AGAP1: variants seen among roughly 807,000 people sequenced by gnomAD.
AGAP1 encodes the protein arf-GAP with GTPase, ANK repeat and PH domain-containing protein 1.
Under a neutral mutation model 105.3 loss-of-function variants are expected in AGAP1, and 29 were observed. The observed-to-expected ratio is 0.28, with a 90% confidence interval of 0.21 to 0.38. AGAP1 has a LOEUF of 0.38. Among genes scored for constraint, AGAP1 ranks in the 10% least tolerant of loss-of-function variants. AGAP1 has a pLI of 1.00. For missense variants in AGAP1, 998 were observed against 1,165.1 expected (o/e 0.86, Z 2.09); for synonymous variants, 509 against 485.9 (o/e 1.05, Z -0.63).
At chr2:235,868,696 T>C (rs1317716785) in intron 9 of AGAP1, among the ~76,000 whole-genome samples, 2 of 152,222 alleles carry the variant, frequency 1.3e-5, no homozygotes, top group Non-Finnish European at 2.9e-5. Context: ...AGTTTTAATA[T>C]AAATTTATGA....
At chr2:235,817,201 T>A (rs1179701775) in intron 9 of AGAP1, among the ~76,000 whole-genome samples, 4 of 152,152 alleles carry the variant, frequency 2.6e-5, no homozygotes, top group African/African-American at 9.6e-5. Context: ...AGACACATTT[T>A]CCCAGAAATG....
intron 1 of AGAP1, among the ~76,000 whole-genome samples, chr2:235,651,331 G>A (rs1195930981): frequency 1.3e-5 from 2 of 151,676 alleles, no homozygotes; most frequent in Non-Finnish European, 2.9e-5. Flanking sequence ...AAAACGATCT[G>A]CCAGATATCT....
At position 235,494,146 on chromosome 2, in the gene AGAP1, C is replaced by A. The variant is rs1338567609; in HGVS notation, c.-541C>A. 1 of 143,968 alleles carries A rather than the reference C, an allele frequency of 6.9e-6. No individual in the cohort carries two copies. 8.9% of individuals were successfully genotyped at this position (143,968 alleles called of 1,614,324 possible). ...CGCCTGCGACTCGGTCCCAGGTCGG[C>A]GGGCGGCGCACGGCGGGCTCGCGCG... On this transcript the variant is annotated 5_prime_UTR_variant, in exon 1 of 18. Coordinates refer to ENST00000304032, the MANE Select transcript of AGAP1 (RefSeq NM_001037131.3).
intron 10 of AGAP1, among the ~76,000 whole-genome samples, chr2:235,898,541 C>T (rs1232201974): frequency 2.3e-5 from 3 of 132,848 alleles, no homozygotes; most frequent in African/African-American, 8.5e-5. Flanking sequence ...ACCCTAATGA[C>T]TTATCATGTC....
At chr2:235,546,697 G>C (rs1943633185) in intron 1 of AGAP1, among the ~76,000 whole-genome samples, 1 of 152,182 alleles carries the variant, frequency 6.6e-6, no homozygotes, top group Admixed American at 6.5e-5. Flanking sequence ...CTTCTCACCG[G>C]CCGGTTTGGA....
At chr2:235,696,704 G>T (rs917378574) in intron 1 of AGAP1, among the ~76,000 whole-genome samples, 1 of 152,154 alleles carries the variant, frequency 6.6e-6, no homozygotes, top group Admixed American at 6.5e-5. Flanking sequence ...CCTTTCCCAT[G>T]CATGTGCTGC....
chr2:235,594,542 A>T (rs546605603), intron 1 of AGAP1, among the ~76,000 whole-genome samples: 1 of 152,194 alleles, frequency 6.6e-6, no homozygotes, highest in East Asian at 1.9e-4. Flanking sequence ...TATCAATTTT[A>T]AAGAAGAATT....
In AGAP1 at chr2:236,123,434, T is replaced by G. The variant is rs1452155831; in HGVS notation, c.2371-485T>G. Reference sequence around the variant, plus strand: ...AAAAATACAAATTATTTGTACAGTCTTATCTCAATTATGTACATATACATG... The same window carrying G: ...AAAAATACAAATTATTTGTACAGTCGTATCTCAATTATGTACATATACATG... On this transcript the variant is annotated intron_variant, in intron 17 of 17. Coordinates refer to ENST00000304032, the MANE Select transcript of AGAP1 (RefSeq NM_001037131.3). This position sits in a 1 kb window ranked among gnomAD's most constrained non-coding sequence, Gnocchi z 4.6. Among the ~76,000 whole-genome samples, 1 of 152,200 alleles carries G rather than the reference T, an allele frequency of 6.6e-6. No homozygotes were observed. The highest frequency in any genetic ancestry group is 1.5e-5 in the Non-Finnish European group (1 of 68,036).
chr2:235,624,798 T>A (rs915758180), intron 1 of AGAP1, among the ~76,000 whole-genome samples: 1 of 152,064 alleles, frequency 6.6e-6, no homozygotes, highest in Non-Finnish European at 1.5e-5. Context: ...TGGGGGCAGA[T>A]CCCTCATGAA....
chr2:235,591,850 A>ACCCCCCCCCCC (rs1945349275), intron 1 of AGAP1, among the ~76,000 whole-genome samples: 2 of 86,964 alleles, frequency 2.3e-5, no homozygotes, highest in African/African-American at 8.4e-5. Flanking sequence ...GCCTGCCCCC[A>ACCCCCCCCCCC]CCCCCACCCC....
rs1278261764 is a variant in AGAP1, at chr2:235,621,680, A to C, written c.164-87499A>C. 6.6e-6 allele frequency among the ~76,000 whole-genome samples: 1 copy of C among 152,150 alleles called. No homozygotes were observed. Among genetic ancestry groups the C allele is most frequent in the Non-Finnish European group, 1.5e-5 (1 of 68,032 alleles). On this transcript the variant is annotated intron_variant, in intron 1 of 17. Coordinates refer to ENST00000304032, the MANE Select transcript of AGAP1 (RefSeq NM_001037131.3). The surrounding 1 kb of genome is among the most constrained non-coding windows in gnomAD (Gnocchi z 4.1). ...CAAGGGTTGGTCATTCCCTGTGCCC[A>C]TTGTTCATGCATTGGAACTTGGAGT...
At chr2:235,521,866 A>G (rs890281646) in intron 1 of AGAP1, among the ~76,000 whole-genome samples, 3 of 151,986 alleles carry the variant, frequency 2.0e-5, no homozygotes, top group Non-Finnish European at 4.4e-5. Flanking sequence ...ATGCCTAGAA[A>G]GGAGGATTGC....
intron 12 of AGAP1, among the ~76,000 whole-genome samples, chr2:235,940,092 C>T (rs969383355): frequency 1.3e-5 from 2 of 152,134 alleles, no homozygotes; most frequent in South Asian, 2.1e-4. Flanking sequence ...CATCTATCCT[C>T]CCAGTAGTTC....
chr2:236,054,011 C>T (rs902296596), intron 16 of AGAP1, among the ~76,000 whole-genome samples: 3 of 152,090 alleles, frequency 2.0e-5, no homozygotes, highest in Admixed American at 6.6e-5. Context: ...ATGTCGCCTT[C>T]GATAGGAAGA....
chr2:235,854,992 C>T (rs901711276), intron 9 of AGAP1, among the ~76,000 whole-genome samples: 6 of 152,122 alleles, frequency 3.9e-5, no homozygotes. Context: ...GAGGAGGGCC[C>T]GCCATGAGGT....
rs74932700 is a variant in AGAP1, at chr2:236,009,130, G to A, written c.1646-27431G>A. 2.0e-5 allele frequency among the ~76,000 whole-genome samples: 3 copies of A among 152,154 alleles called. No homozygotes were observed. The highest frequency in any genetic ancestry group is 7.2e-5 in the African/African-American group (3 of 41,426). ...GTCAAGCCCCTTCACAGCTAAAGTA[G>A]TGAGTTCACATAGTCGAAGAATCTT... On this transcript the variant is annotated intron_variant, in intron 13 of 17. Coordinates refer to ENST00000304032, the MANE Select transcript of AGAP1 (RefSeq NM_001037131.3). The surrounding 1 kb of genome is among the most constrained non-coding windows in gnomAD (Gnocchi z 4.2).
intron 1 of AGAP1, among the ~76,000 whole-genome samples, chr2:235,575,327 G>A (rs1323623020): frequency 6.6e-6 from 1 of 152,210 alleles, no homozygotes; most frequent in African/African-American, 2.4e-5. Context: ...GACACCAAAG[G>A]TGTGAGTTCA....
chr2:235,968,698 T>TAGA, intron 13 of AGAP1, 75 bp downstream of exon 13: 1 of 1,431,852 alleles, frequency 7.0e-7, no homozygotes, highest in Non-Finnish European at 9.6e-7. Context: ...ATGCGTGAAA[T>TAGA]TAGACACCCT....
intron 3 of AGAP1, among the ~76,000 whole-genome samples, chr2:235,726,672 C>G (rs1045797106): frequency 6.6e-6 from 1 of 152,174 alleles, no homozygotes; most frequent in Non-Finnish European, 1.5e-5. Context: ...TAGCAGACCA[C>G]TGTGCCCCTG....
Sources: allele counts gnomAD v4.1 joint callset (sites outside exome capture counted in the v4.1 genomes callset), GRCh38; gene constraint gnomAD v4.1.1; non-coding constraint Gnocchi (gnomAD v3.1); transcripts MANE v1.5; gene names NCBI Gene and HGNC (gene_info 2026-07-23, HGNC 2026-07-21).